Variants in NDEL1 observed in about 807,000 individuals in gnomAD.
NDEL1 encodes nuclear distribution protein nudE-like 1.
In NDEL1, 9 loss-of-function variants were observed where a neutral mutation model predicts 45.7. The observed-to-expected ratio is 0.20, with a 90% CI of 0.12 to 0.34. The LOEUF is 0.34. Ranked by LOEUF, NDEL1 falls within the 10% of genes least tolerant of loss-of-function variation. The probability of loss-of-function intolerance (pLI) is 1.00; values close to 1 mark genes in which losing one functional copy is unlikely to be tolerated. For missense variants in NDEL1, 306 were observed against 406.2 expected (o/e 0.75, Z 2.12); for synonymous variants, 133 against 158.6 (o/e 0.84, Z 1.21).
intron 5 of NDEL1, among the ~76,000 whole-genome samples, chr17:8,449,633 A>C (rs565399003): frequency 2.6e-5 from 4 of 152,200 alleles, no homozygotes; most frequent in Non-Finnish European, 5.9e-5. Flanking sequence ...CATATAAGGG[A>C]GATTATACAG....
chr17:8,470,140 CAGAG>C (rs1447831109), downstream of NDEL1, among the ~76,000 whole-genome samples: 4 of 152,110 alleles, frequency 2.6e-5, no homozygotes, highest in African/African-American at 9.7e-5. The surrounding 1 kb of genome is among the most constrained non-coding windows in gnomAD (Gnocchi z 4.2). Context: ...TGGACATGGT[CAGAG>C]AGAGCATCTG....
intron 5 of NDEL1, among the ~76,000 whole-genome samples, chr17:8,449,543 G>A (rs1429023675): frequency 6.6e-6 from 1 of 152,272 alleles, no homozygotes; most frequent in South Asian, 2.1e-4. Context: ...CTATTGAATA[G>A]TGACTACCCA....
chr17:8,416,967 C>T (rs1012842772), intron 1 of NDEL1, among the ~76,000 whole-genome samples: 5 of 152,138 alleles, frequency 3.3e-5, no homozygotes, highest in African/African-American at 7.2e-5. Flanking sequence ...CTTGTTCTCA[C>T]TTCTTTTTTT....
intron 1 of NDEL1, among the ~76,000 whole-genome samples, chr17:8,423,312 T>C (rs1908748582): frequency 6.6e-6 from 1 of 152,034 alleles, no homozygotes; most frequent in South Asian, 2.1e-4. Context: ...TTTCAGTTAG[T>C]AGGTGTTTAG....
At chr17:8,448,806 C>A in intron 5 of NDEL1, 120 bp downstream of exon 5, 1 of 1,053,676 alleles carries the variant, frequency 9.5e-7, no homozygotes, top group Non-Finnish European at 1.3e-6. Context: ...ACAGTATTCA[C>A]GGCATTCAAA....
chr17:8,422,896 C>T (rs1034535936), intron 1 of NDEL1, among the ~76,000 whole-genome samples: 20 of 152,106 alleles, frequency 1.3e-4, no homozygotes, highest in African/African-American at 2.7e-4. Context: ...CTACCACACC[C>T]GGCTAATTTT....
intron 8 of NDEL1, chr17:8,463,148 C>CT (rs1491157751): frequency 2.9e-5 from 15 of 524,196 alleles, no homozygotes; most frequent in Non-Finnish European, 4.8e-5. Context: ...CTCAAAAACA[C>CT]TCTTTTTTTT....
intron 7 of NDEL1, among the ~76,000 whole-genome samples, chr17:8,455,324 C>T (rs926896264): frequency 6.6e-6 from 1 of 152,178 alleles, no homozygotes; most frequent in African/African-American, 2.4e-5. Context: ...ACCTTATTTC[C>T]TTGGCCACCT....
intron 1 of NDEL1, among the ~76,000 whole-genome samples, chr17:8,441,975 T>C (rs1434706475): frequency 1.3e-5 from 2 of 152,210 alleles, no homozygotes; most frequent in Non-Finnish European, 2.9e-5. Context: ...GAATTGTCTG[T>C]TTCCTCTCAG....
At chr17:8,458,595 G>A (rs1911000932) in intron 7 of NDEL1, among the ~76,000 whole-genome samples, 1 of 151,894 alleles carries the variant, frequency 6.6e-6, no homozygotes, top group South Asian at 2.1e-4. Flanking sequence ...CTGAATTATT[G>A]CTGAATTATG....
In NDEL1 at chr17:8,466,941, G is replaced by C; in HGVS notation, c.956G>C (p.Gly319Ala). The C allele has an allele frequency of 6.2e-7, 1 of 1,614,204 alleles. No individual in the cohort carries two copies. Among genetic ancestry groups the C allele is most frequent in the Non-Finnish European group, 8.5e-7 (1 of 1,180,036 alleles). The change falls in exon 9 of 9, where the codon GGC (glycine) becomes GCC (alanine). Residue 319 changes from glycine to alanine, a missense_variant. By Grantham distance (60) the Gly-to-Ala change is moderately conservative. Around this residue, in one of 3 missense-constraint regions of NDEL1, gnomAD observed 175 missense variants for 205.2 expected, o/e 0.85. Coordinates refer to ENST00000334527, the MANE Select transcript of NDEL1 (RefSeq NM_030808.5). ...GGTTGCTCCCACAGGGCAGTAAACG[G>C]CTTTGACCCCGCTCCTCCTCCTCCT... ...TSFFDKGAVN[G>A]FDPAPPPPGL...
chr17:8,425,765 A>C (rs968016340), intron 1 of NDEL1, among the ~76,000 whole-genome samples: 1 of 151,556 alleles, frequency 6.6e-6, no homozygotes, highest in African/African-American at 2.4e-5. Flanking sequence ...TACTGCTGGC[A>C]TACTCAGGGT....
chr17:8,449,039 A>G (rs917998550), intron 5 of NDEL1, among the ~76,000 whole-genome samples: 4 of 152,196 alleles, frequency 2.6e-5, no homozygotes, highest in East Asian at 1.9e-4. Context: ...CTGGAGTGCA[A>G]TGGCACAATC....
intron 1 of NDEL1, among the ~76,000 whole-genome samples, chr17:8,414,499 C>T (rs1597509467): frequency 2.0e-5 from 3 of 152,260 alleles, no homozygotes; most frequent in Admixed American, 2.0e-4. Flanking sequence ...AACCCCGTCT[C>T]TACTAAAAAT....
intron 6 of NDEL1, among the ~76,000 whole-genome samples, chr17:8,452,382 T>C (rs565767080): frequency 6.6e-6 from 1 of 152,150 alleles, no homozygotes; most frequent in Non-Finnish European, 1.5e-5. Flanking sequence ...ATTCAGGGAC[T>C]TGGGGAGTCA....
intron 8 of NDEL1, chr17:8,466,285 A>G (rs1911582772): frequency 6.6e-6 from 1 of 152,176 alleles, no homozygotes; most frequent in African/African-American, 2.4e-5. Context: ...CTATGTACAT[A>G]TATGTTGGTG....
At chr17:8,414,007 G>C (rs1373785461) in intron 1 of NDEL1, among the ~76,000 whole-genome samples, 1 of 152,130 alleles carries the variant, frequency 6.6e-6, no homozygotes, top group South Asian at 2.1e-4. Context: ...TAGACATCTA[G>C]ACTTTTAAAT....
chr17:8,457,575 A>G (rs1910923138), intron 7 of NDEL1, among the ~76,000 whole-genome samples: 2 of 152,212 alleles, frequency 1.3e-5, no homozygotes, highest in Non-Finnish European at 2.9e-5. Flanking sequence ...GACTTTGTCC[A>G]CTGACTTGAA....
intron 8 of NDEL1, chr17:8,463,416 GACACATTAACAATC>G: frequency 6.6e-7 from 1 of 1,513,194 alleles, no homozygotes; most frequent in Non-Finnish European, 9.2e-7. Context: ...TGTGGTGGAA[GACACATTAACAATC>G]TGGTTTTACT....
Sources: gnomAD v4.1 joint callset for allele counts (sites outside exome capture counted in the v4.1 genomes callset) on GRCh38, gnomAD v4.1.1 for gene constraint, gnomAD v4.1.1 regional missense constraint, Gnocchi (gnomAD v3.1) non-coding constraint, MANE v1.5 for transcripts, NCBI Gene and HGNC (gene_info 2026-07-23, HGNC 2026-07-21) for gene names.